The following POLB variants were observed in gnomAD, a reference collection of about 807,000 sequenced individuals.
POLB encodes DNA polymerase beta.
A neutral mutation model predicts 52.7 loss-of-function variants in POLB; 37 were observed. That is an observed-to-expected ratio of 0.70 (90% CI 0.54 to 0.92). POLB has a LOEUF of 0.92. Ranked by LOEUF, POLB falls within the 40% of genes least tolerant of loss-of-function variation. The pLI, the probability that POLB is intolerant of heterozygous loss-of-function variation, is 0.00. For missense variants in POLB, 313 were observed against 400.8 expected, an observed-to-expected ratio of 0.78 and a Z score of 1.87; for synonymous variants, 138 against 131.3, an observed-to-expected ratio of 1.05 and a Z score of -0.35.
chr8:42,363,383 C>A (rs1387145168), intron 11 of POLB, among the ~76,000 whole-genome samples: 1 of 151,620 alleles, frequency 6.6e-6, no homozygotes, highest in Non-Finnish European at 1.5e-5. Context: ...AAAAAATTAG[C>A]TGGGCGTGGT....
At chr8:42,363,197 G>A (rs1476223084) in intron 11 of POLB, among the ~76,000 whole-genome samples, 1 of 151,448 alleles carries the variant, frequency 6.6e-6, no homozygotes, top group Non-Finnish European at 1.5e-5. Context: ...TTTTAGGAAA[G>A]AATTTTCTTT....
At chr8:42,363,728 A>G (rs540301055) in intron 11 of POLB, among the ~76,000 whole-genome samples, 46 of 152,196 alleles carry the variant, frequency 3.0e-4, no homozygotes, top group African/African-American at 1.0e-3. Context: ...TCAACACCAA[A>G]GAAAGAAAAG....
chr8:42,369,897 G>C lies in POLB; in HGVS notation c.822G>C (p.Gly274=). The change falls in exon 13 of 14, where the codon GGG becomes GGC. Residue 274 remains glycine, a synonymous_variant. Coordinates refer to ENST00000265421, the MANE Select transcript of POLB (RefSeq NM_002690.3). ...ACTGTGGTGTTCTCTATTTCACTGGGAGTGATATTTTCAATAAGAATATGA... is the reference window on the plus strand; with the variant it reads ...ACTGTGGTGTTCTCTATTTCACTGGCAGTGATATTTTCAATAAGAATATGA... ...QYYCGVLYFT[G]SDIFNKNMRA... is the part of the protein sequence containing the mutation. 1 of 1,603,038 alleles carries C rather than the reference G, an allele frequency of 6.2e-7. No individual in the cohort carries two copies. Among genetic ancestry groups the C allele is most frequent in the Non-Finnish European group, 8.5e-7 (1 of 1,170,538 alleles).
intron 12 of POLB, 138 bp from the exon 13 acceptor site, chr8:42,369,711 A>C: frequency 1.7e-6 from 1 of 584,166 alleles, no homozygotes; most frequent in Non-Finnish European, 3.0e-6. Context: ...AGTCTACCTC[A>C]TGATAGTCTT....
At chr8:42,365,020 G>A (rs1393752125) in intron 11 of POLB, among the ~76,000 whole-genome samples, 1 of 152,158 alleles carries the variant, frequency 6.6e-6, no homozygotes, top group Non-Finnish European at 1.5e-5. Flanking sequence ...CCAGGAGTTC[G>A]AGGGTATAGT....
At chr8:42,355,890 C>A (rs1270805085) in intron 7 of POLB, among the ~76,000 whole-genome samples, 1 of 152,186 alleles carries the variant, frequency 6.6e-6, no homozygotes, top group Admixed American at 6.5e-5. Flanking sequence ...CAAAGCACTA[C>A]ACTAGGTCTA....
intron 2 of POLB, among the ~76,000 whole-genome samples, chr8:42,343,369 T>TATATATATATATATATATATATATACAC (rs761101423): frequency 2.8e-5 from 1 of 36,288 alleles, no homozygotes; most frequent in African/African-American, 5.6e-5. Flanking sequence ...TATATATATA[T>TATATATATATATATATATATATATACAC]ACACAAAATT....
At chr8:42,362,553 T>A (rs1823767249) in intron 10 of POLB, 59 bp from the exon 11 acceptor site, 2 of 1,024,672 alleles carry the variant, frequency 2.0e-6, no homozygotes, top group Non-Finnish European at 3.1e-6. Context: ...TTGTTAAATA[T>A]TTTCTTGCCA....
intron 1 of POLB, 127 bp downstream of exon 1, chr8:42,338,812 G>A: frequency 9.5e-7 from 1 of 1,054,494 alleles, no homozygotes; most frequent in Non-Finnish European, 1.4e-6. Context: ...GTCTTCCGTG[G>A]GGATCTCCCT....
chr8:42,352,567 A>C lies in POLB; in HGVS notation c.369A>C (p.Glu123Asp), dbSNP rs766957943. The C allele has an allele frequency of 6.4e-7, 1 of 1,571,064 alleles. No homozygotes were observed. Among genetic ancestry groups the C allele is most frequent in the Admixed American group, 1.7e-5 (1 of 59,982 alleles). Residue 123 changes from glutamate to aspartate, a missense_variant and splice_region_variant, in exon 6 of 14, where the codon GAA becomes GAC. Physicochemically the swap from Glu to Asp is conservative, Grantham distance 45. Around this residue, in one of 3 missense-constraint regions of POLB, gnomAD observed 246 missense variants for 297.6 expected, o/e 0.83. Transcript: ENST00000265421. ...TAGATGAAGGAATTAAAACACTAGA[A>C]GGTGAGTATGACTGTAGGTCACTAA... ...KFVDEGIKTLEDLRKNEDKLN... is the reference protein window; with the variant it reads ...KFVDEGIKTLDDLRKNEDKLN...
chr8:42,369,922 A>G lies in POLB; in HGVS notation c.847A>G (p.Arg283Gly), dbSNP rs1366990664. Residue 283 changes from arginine (R) to glycine (G), a missense_variant, in exon 13 of 14, where the codon AGG becomes GGG. Coordinates refer to ENST00000265421, the MANE Select transcript of POLB (RefSeq NM_002690.3). Reference protein sequence around the residue: ...TGSDIFNKNMRAHALEKGFTI... With the variant: ...TGSDIFNKNMGAHALEKGFTI... ...GAGTGATATTTTCAATAAGAATATG[A>G]GGGCTCATGCCCTAGAAAAGGGTTT... 6 of 1,606,470 alleles carry G rather than the reference A, an allele frequency of 3.7e-6. No individual in the cohort carries two copies. The highest frequency in any genetic ancestry group is 4.3e-6 in the Non-Finnish European group (5 of 1,173,270).
At chr8:42,339,244 G>A (rs932772010) in intron 2 of POLB, 175 bp downstream of exon 2, 2 of 632,276 alleles carry the variant, frequency 3.2e-6, no homozygotes, top group East Asian at 2.8e-5. Context: ...TGCGTTATAG[G>A]ATCAGTTCAG....
intron 1 of POLB, 116 bp downstream of exon 1, chr8:42,338,801 C>G: frequency 8.7e-7 from 1 of 1,143,432 alleles, no homozygotes; most frequent in Non-Finnish European, 1.3e-6. Context: ...TGCAGCGGGT[C>G]GTCTTCCGTG....
At chr8:42,357,534 G>A (rs1823394519) in intron 9 of POLB, 142 bp downstream of exon 9, 2 of 527,664 alleles carry the variant, frequency 3.8e-6, no homozygotes, top group South Asian at 3.1e-5. Flanking sequence ...AAGGGTATTT[G>A]TTTATAGATG....
intron 3 of POLB, among the ~76,000 whole-genome samples, chr8:42,348,799 A>G (rs934605650): frequency 2.0e-5 from 3 of 152,250 alleles, no homozygotes; most frequent in Non-Finnish European, 4.4e-5. Context: ...TAAATAAGAT[A>G]TAATTATTTT....
intron 2 of POLB, chr8:42,342,559 C>A: frequency 1.3e-6 from 1 of 750,886 alleles, no homozygotes; most frequent in Non-Finnish European, 2.3e-6. Context: ...ATCAGTTTTA[C>A]CATCTTGTCA....
At chr8:42,338,989 C>T (rs781429991) in intron 1 of POLB, 23 bp from the exon 2 acceptor site, 15 of 1,607,760 alleles carry the variant, frequency 9.3e-6, no homozygotes, top group Non-Finnish European at 1.2e-5. Context: ...TCTTGTTCAC[C>T]CGAGCCTTCT....
intron 11 of POLB, among the ~76,000 whole-genome samples, chr8:42,365,485 T>C (rs1823982205): frequency 1.3e-5 from 2 of 152,204 alleles, no homozygotes; most frequent in Non-Finnish European, 2.9e-5. Context: ...TTTAAGAATA[T>C]TCAGTCAGAT....
intron 11 of POLB, among the ~76,000 whole-genome samples, chr8:42,364,581 G>A (rs1294742144): frequency 1.3e-5 from 2 of 152,016 alleles, no homozygotes; most frequent in Admixed American, 6.6e-5. Flanking sequence ...TACATCATTC[G>A]AGTCCATTTT....
Sources: gnomAD v4.1 joint callset for allele counts (sites outside exome capture counted in the v4.1 genomes callset) on GRCh38, gnomAD v4.1.1 for gene constraint, gnomAD v4.1.1 regional missense constraint, MANE v1.5 for transcripts, NCBI Gene and HGNC (gene_info 2026-07-23, HGNC 2026-07-21) for gene names.